Variants in OXR1 observed in about 807,000 individuals in gnomAD.
The protein encoded by OXR1 is oxidation resistance protein 1.
OXR1 carries 41 observed loss-of-function variants against 104.6 expected under a neutral mutation model. That is an observed-to-expected ratio of 0.39 (90% confidence interval 0.31 to 0.51). The LOEUF (loss-of-function observed/expected upper bound fraction) is 0.51, where lower values mean the gene tolerates loss of function less well. Among genes scored for constraint, OXR1 ranks in the 20% least tolerant of loss-of-function variants. The probability of loss-of-function intolerance (pLI) is 0.77; values close to 1 mark genes in which losing one functional copy is unlikely to be tolerated. For synonymous variants in OXR1, 348 were observed against 348.4 expected, an observed-to-expected ratio of 1.00 and a Z score of 0.01; for missense variants, 955 against 1,031.9, an observed-to-expected ratio of 0.93 and a Z score of 1.02.
At chr8:106,384,594 G>A (rs1377168374) in intron 2 of OXR1, among the ~76,000 whole-genome samples, 5 of 152,028 alleles carry the variant, frequency 3.3e-5, no homozygotes, top group Non-Finnish European at 5.9e-5. Flanking sequence ...CGAAATCAGG[G>A]GAAGCTCTTA....
chr8:106,361,614 T>A (rs1253645624), intron 2 of OXR1, among the ~76,000 whole-genome samples: 3 of 152,212 alleles, frequency 2.0e-5, no homozygotes, highest in African/African-American at 7.2e-5. Flanking sequence ...CTATTTTTTT[T>A]ATAATAACCT....
At chr8:106,515,176 A>T (rs1451180910) in intron 2 of OXR1, among the ~76,000 whole-genome samples, 1 of 152,084 alleles carries the variant, frequency 6.6e-6, no homozygotes, top group Admixed American at 6.6e-5. Context: ...TAGCTTATTT[A>T]TCTTCTTTTT....
At chr8:106,372,282 C>T (rs541410807) in intron 2 of OXR1, among the ~76,000 whole-genome samples, 32 of 152,300 alleles carry the variant, frequency 2.1e-4, no homozygotes, top group African/African-American at 7.7e-4. Flanking sequence ...CCCTGTGGCT[C>T]TCAGGTGGCC....
chr8:106,716,930 G>A (rs200668318), intron 11 of OXR1, among the ~76,000 whole-genome samples: 3 of 152,104 alleles, frequency 2.0e-5, no homozygotes, highest in South Asian at 2.1e-4. Context: ...TAGGGAGGCC[G>A]AGGGTAACAA....
intron 11 of OXR1, among the ~76,000 whole-genome samples, chr8:106,732,730 A>G (rs541378129): frequency 3.9e-5 from 6 of 152,280 alleles, no homozygotes; most frequent in Non-Finnish European, 8.8e-5. Context: ...GATAAGTTCT[A>G]CTTCGTCGTT....
intron 2 of OXR1, among the ~76,000 whole-genome samples, chr8:106,457,341 C>A (rs1465095708): frequency 1.3e-5 from 2 of 152,256 alleles, no homozygotes; most frequent in East Asian, 1.9e-4. Flanking sequence ...CAGGAAGGTC[C>A]TCACAAGTTG....
chr8:106,605,632 T>TAAAAAAAAAAAAAAAAA (rs11347410), intron 3 of OXR1, among the ~76,000 whole-genome samples: 1 of 123,500 alleles, frequency 8.1e-6, no homozygotes. Context: ...CCGTCTCTAC[T>TAAAAAAAAAAAAAAAAA]AAAAAAAAAA....
intron 2 of OXR1, among the ~76,000 whole-genome samples, chr8:106,473,005 T>A (rs2129660945): frequency 6.6e-6 from 1 of 152,068 alleles, no homozygotes; most frequent in East Asian, 1.9e-4. Context: ...AATTATACAT[T>A]ACTTGTATGT....
intron 3 of OXR1, among the ~76,000 whole-genome samples, chr8:106,542,607 C>T (rs77546261): frequency 1.8e-3 from 271 of 152,066 alleles, no homozygotes; most frequent in African/African-American, 5.9e-3. Context: ...GGTTAGGCAC[C>T]TATTTTTTTT....
intron 3 of OXR1, among the ~76,000 whole-genome samples, chr8:106,587,254 T>A (rs535089093): frequency 6.7e-4 from 102 of 152,008 alleles, no homozygotes; most frequent in South Asian, 1.2e-3. Flanking sequence ...TGGTATTGAG[T>A]CTGTGGAAGT....
At chr8:106,498,661 G>C (rs952420088) in intron 2 of OXR1, among the ~76,000 whole-genome samples, 4 of 152,110 alleles carry the variant, frequency 2.6e-5, no homozygotes, top group Non-Finnish European at 5.9e-5. Flanking sequence ...GTGAGTGTGG[G>C]CGTGTGTGCT....
intron 1 of OXR1, among the ~76,000 whole-genome samples, chr8:106,303,896 T>C (rs1004273843): frequency 6.6e-5 from 10 of 152,202 alleles, no homozygotes; most frequent in African/African-American, 2.4e-4. Flanking sequence ...GACATCATTA[T>C]TCACTTCTCT....
chr8:106,519,016 A>C lies in OXR1; in HGVS notation c.97A>C (p.Thr33Pro). The part of the protein sequence containing the change: ...FNPLAGAGKQ[T>P]PQASKPPAPK... ...CCCTTTGGCTGGTGCAGGAAAGCAA[A>C]CACCACAAGCCAGTAAGCCCCCGGC... The change falls in exon 3 of 17, where the codon ACA (threonine) becomes CCA (proline). Residue 33 changes from threonine to proline, a missense_variant. This residue lies in a region of OXR1 where 849 missense variants were observed against 852.9 expected (regional missense o/e 1.00). Transcript: ENST00000517566. 1.3e-6 allele frequency: 2 copies of C among 1,551,792 alleles called. No homozygotes were observed. Among genetic ancestry groups the C allele is most frequent in the Non-Finnish European group, 1.7e-6 (2 of 1,146,982 alleles).
intron 2 of OXR1, among the ~76,000 whole-genome samples, chr8:106,437,601 A>G (rs1586642739): frequency 6.6e-6 from 1 of 152,130 alleles, no homozygotes; most frequent in African/African-American, 2.4e-5. Context: ...AGAGGACACT[A>G]TTAGGAACCA....
At chr8:106,620,108 T>C (rs1586910515) in intron 3 of OXR1, among the ~76,000 whole-genome samples, 2 of 152,292 alleles carry the variant, frequency 1.3e-5, no homozygotes, top group East Asian at 1.9e-4. Context: ...TGCATTTTGC[T>C]TCATTGTACC....
intron 1 of OXR1, among the ~76,000 whole-genome samples, chr8:106,336,176 G>A (rs553594450): frequency 1.8e-4 from 27 of 152,310 alleles, no homozygotes; most frequent in Admixed American, 1.8e-3. Context: ...AGAATGCAGT[G>A]GTGGCAGGGC....
chr8:106,557,398 A>G (rs2130463395), intron 3 of OXR1, among the ~76,000 whole-genome samples: 1 of 152,294 alleles, frequency 6.6e-6, no homozygotes, highest in Non-Finnish European at 1.5e-5. Context: ...TTATTCATAG[A>G]GTTCTAGACT....
chr8:106,560,426 T>G (rs58487544), intron 3 of OXR1, among the ~76,000 whole-genome samples: 3,070 of 152,294 alleles, frequency 0.02, 103 homozygotes, highest in African/African-American at 0.067. Context: ...CTCATTTTAC[T>G]TCTATGGGAG....
Position 106,741,157 on chromosome 8 carries a change from A to G in OXR1, c.2316+662A>G, listed in dbSNP as rs530072433. On this transcript the variant is annotated intron_variant, in intron 14 of 16. Transcript: ENST00000517566. ...TGACATAAGCTCATCAACTTGCCCA[A>G]GGTTACATACCCAAGAAAAAGTATT... is the stretch of plus-strand genomic sequence containing the variant. 4.6e-5 allele frequency among the ~76,000 whole-genome samples: 7 copies of G among 152,320 alleles called. No homozygotes were observed. The East Asian group carries it at 5.8e-4, about 13-fold the overall frequency.
Sources: allele counts gnomAD v4.1 joint callset (sites outside exome capture counted in the v4.1 genomes callset), GRCh38; gene constraint gnomAD v4.1.1; regional missense constraint gnomAD v4.1.1; transcripts MANE v1.5; gene names NCBI Gene and HGNC (gene_info 2026-07-23, HGNC 2026-07-21).